Variants in BEND4 observed in about 807,000 individuals in gnomAD.
BEND4 encodes BEN domain containing 4, also known as BEN domain-containing protein 4.
A neutral mutation model predicts 54.7 loss-of-function variants in BEND4; 27 were observed. The observed-to-expected ratio is 0.49, with a 90% CI of 0.36 to 0.68. BEND4 has a LOEUF of 0.68. Ranked by LOEUF, BEND4 falls within the 30% of genes least tolerant of loss-of-function variation. The pLI is 0.00. For synonymous variants in BEND4, 327 were observed against 299.5 expected, an observed-to-expected ratio of 1.09 and a Z score of -0.95; for missense variants, 702 against 697.2, an observed-to-expected ratio of 1.01 and a Z score of -0.08.
In BEND4 at chr4:42,152,228, C is replaced by G. The variant is rs1337657576; in HGVS notation, c.-85G>C. On this transcript the variant is annotated 5_prime_UTR_variant, in exon 2 of 6. Transcript: ENST00000502486. ...GAGGGTGCCTCCGCCGCCTGCCCGCCGGGTCTGCCCTGGTGCGCGCGTGTG... is the reference window on the plus strand; with the variant it reads ...GAGGGTGCCTCCGCCGCCTGCCCGCGGGGTCTGCCCTGGTGCGCGCGTGTG... The G allele has an allele frequency of 5.5e-5, 66 of 1,198,738 alleles. No individual in the cohort carries two copies. The highest frequency in any genetic ancestry group is 3.7e-5 in the Non-Finnish European group (35 of 957,376). 74.3% of individuals were successfully genotyped at this position (1,198,738 alleles called of 1,614,324 possible). A position where few individuals can be genotyped will look rare whatever the true frequency, so the allele number is the denominator to read the frequency against.
At chr4:42,122,500 C>CA (rs1287750452) in intron 4 of BEND4, among the ~76,000 whole-genome samples, 1 of 152,194 alleles carries the variant, frequency 6.6e-6, no homozygotes, top group Non-Finnish European at 1.5e-5. Flanking sequence ...TGGCACACAG[C>CA]AGACACCCAG....
chr4:42,136,331 T>C (rs532030557), intron 3 of BEND4, among the ~76,000 whole-genome samples: 2 of 152,182 alleles, frequency 1.3e-5, no homozygotes, highest in Non-Finnish European at 2.9e-5. Context: ...TTTAAAACCT[T>C]CTTAATTAGA....
At chr4:42,118,859 T>C (rs1014914702) in intron 5 of BEND4, among the ~76,000 whole-genome samples, 3 of 152,228 alleles carry the variant, frequency 2.0e-5, no homozygotes, top group Non-Finnish European at 2.9e-5. Flanking sequence ...TGGAAATTTC[T>C]GCCACTTAGT....
At chr4:42,137,220 T>A (rs558672176) in intron 3 of BEND4, among the ~76,000 whole-genome samples, 3 of 152,196 alleles carry the variant, frequency 2.0e-5, no homozygotes, top group African/African-American at 7.2e-5. Context: ...TAAAATGAGA[T>A]AATAAAAAAA....
At chr4:42,144,035 C>G (rs774565532) in intron 2 of BEND4, 41 bp from the exon 3 acceptor site, 5 of 1,432,910 alleles carry the variant, frequency 3.5e-6, no homozygotes, top group Non-Finnish European at 4.8e-6. Flanking sequence ...CAACAGCCAA[C>G]GGCAAAAGAT....
chr4:42,152,043 C>T lies in BEND4; in HGVS notation c.101G>A (p.Arg34Lys). 2 of 1,251,856 alleles carry T rather than the reference C, an allele frequency of 1.6e-6. No homozygotes were observed. Among genetic ancestry groups the T allele is most frequent in the Non-Finnish European group, 2.0e-6 (2 of 991,132 alleles). The allele number at this position is 1,251,856 out of a possible 1,614,324, so 77.5% of individuals were successfully genotyped here. A position where few individuals can be genotyped will look rare whatever the true frequency, so the allele number is the denominator to read the frequency against. ...YSVLKTFPSK[R>K]PALAKRYERP... Reference sequence around the variant, plus strand: ...CTCGTAGCGCTTGGCCAGCGCCGGTCTCTTGCTGGGGAACGTCTTGAGGAC... The same window carrying T: ...CTCGTAGCGCTTGGCCAGCGCCGGTTTCTTGCTGGGGAACGTCTTGAGGAC... Residue 34 changes from arginine to lysine, a missense_variant, in exon 2 of 6, where the codon AGA becomes AAA. Transcript: ENST00000502486.
intron 3 of BEND4, among the ~76,000 whole-genome samples, chr4:42,130,545 T>C (rs1402616754): frequency 6.6e-6 from 1 of 151,020 alleles, no homozygotes; most frequent in Non-Finnish European, 1.5e-5. Context: ...ATGACAATTA[T>C]TAAAAAGTCA....
Position 42,120,165 on chromosome 4 carries a change from C to G in BEND4, c.1276G>C (p.Asp426His). Residue 426 changes from aspartate (D) to histidine (H), a missense_variant, in exon 5 of 6, where the codon GAT (aspartate) becomes CAT (histidine). Coordinates refer to ENST00000502486, the MANE Select transcript of BEND4 (RefSeq NM_207406.4). ...RYLIRFVFTT[D>H]ELKYSCGLGK... ...AGGCCGCATGAGTACTTAAGCTCAT[C>G]GGTTGTGAAAACAAATCTGATGAGG... is the stretch of plus-strand genomic sequence containing the variant. 6.2e-7 allele frequency: 1 copy of G among 1,613,986 alleles called. No individual in the cohort carries two copies. Among genetic ancestry groups the G allele is most frequent in the South Asian group, 1.1e-5 (1 of 91,078 alleles).
intron 2 of BEND4, among the ~76,000 whole-genome samples, chr4:42,149,672 G>A (rs1401947954): frequency 1.3e-5 from 2 of 151,768 alleles, no homozygotes; most frequent in Non-Finnish European, 2.9e-5. Context: ...AAACTAAACA[G>A]GACATCAGAA....
chr4:42,122,275 C>G (rs946931207), intron 4 of BEND4, among the ~76,000 whole-genome samples: 6 of 152,140 alleles, frequency 3.9e-5, no homozygotes, highest in African/African-American at 1.4e-4. Flanking sequence ...CTAAACTTTG[C>G]TCCTTTGTGT....
In BEND4 at chr4:42,112,372, G is replaced by A. The variant is rs1358883993; in HGVS notation, c.*5146C>T. ...ATTAACTATAGTTACTACTGTTGTT[G>A]CAGTTAAGTGGTTCTGAACGGGCCC... On this transcript the variant is annotated 3_prime_UTR_variant, in exon 6 of 6. Transcript: ENST00000502486. 1 of 152,332 alleles carries A rather than the reference G, an allele frequency of 6.6e-6. No homozygotes were observed. The highest frequency in any genetic ancestry group is 2.4e-5 in the African/African-American group (1 of 41,570). The allele number at this position is 152,332 out of a possible 1,614,324, so 9.4% of individuals were successfully genotyped here.
intron 3 of BEND4, among the ~76,000 whole-genome samples, chr4:42,134,737 G>A (rs1298982894): frequency 6.6e-6 from 1 of 152,226 alleles, no homozygotes; most frequent in African/African-American, 2.4e-5. Flanking sequence ...TTGTTACAGT[G>A]TCACCTGAGC....
At position 42,143,936 on chromosome 4, in the gene BEND4, T is replaced by G. The variant is rs1720987887; in HGVS notation, c.546A>C (p.Leu182Phe). 2 of 1,537,950 alleles carry G rather than the reference T, an allele frequency of 1.3e-6. No individual in the cohort carries two copies. Among genetic ancestry groups the G allele is most frequent in the Middle Eastern group, 1.8e-4 (1 of 5,662 alleles). ...AGTCCAGGAGTTTTCCTCCACAATTTAAGAGGCTAAGAACTCGACTGCACT... is the reference window on the plus strand; with the variant it reads ...AGTCCAGGAGTTTTCCTCCACAATTGAAGAGGCTAAGAACTCGACTGCACT... ...AQQCSRVLSL[L>F]NCGGKLLDSN... Residue 182 changes from leucine to phenylalanine, a missense_variant, in exon 3 of 6, where the codon TTA becomes TTC. Leu to Phe is a conservative substitution (Grantham distance 22). Coordinates refer to ENST00000502486, the MANE Select transcript of BEND4 (RefSeq NM_207406.4).
At chr4:42,141,423 T>C (rs777171893) in intron 3 of BEND4, among the ~76,000 whole-genome samples, 11 of 152,218 alleles carry the variant, frequency 7.2e-5, no homozygotes, top group Admixed American at 5.9e-4. Context: ...AAAGATACTG[T>C]ACTAGGCAAA....
intron 5 of BEND4, among the ~76,000 whole-genome samples, chr4:42,118,695 C>T (rs533128987): frequency 6.6e-6 from 1 of 152,294 alleles, no homozygotes; most frequent in South Asian, 2.1e-4. Context: ...TATTTGGCTC[C>T]TTTATAAGCC....
At chr4:42,151,636 A>G in intron 2 of BEND4, 21 bp downstream of exon 2, 1 of 1,394,820 alleles carries the variant, frequency 7.2e-7, no homozygotes, top group Non-Finnish European at 9.3e-7. Flanking sequence ...CGGGAAGGAA[A>G]GTTGTGCGGA....
intron 3 of BEND4, among the ~76,000 whole-genome samples, chr4:42,131,064 T>C (rs115554109): frequency 0.026 from 3,872 of 151,800 alleles, 77 homozygotes; most frequent in Non-Finnish European, 0.038. Context: ...TGGGGCCTAT[T>C]GGGGAGGGGG....
At chr4:42,144,289 G>T (rs555272008) in intron 2 of BEND4, among the ~76,000 whole-genome samples, 2 of 152,140 alleles carry the variant, frequency 1.3e-5, no homozygotes, top group African/African-American at 2.4e-5. Context: ...TGGCTGCACA[G>T]GTCTGAACTC....
intron 2 of BEND4, among the ~76,000 whole-genome samples, chr4:42,147,481 CTTTTT>C (rs71664398): frequency 3.8e-5 from 5 of 131,930 alleles, no homozygotes; most frequent in African/African-American, 1.4e-4. Context: ...ATTTTTTTAA[CTTTTT>C]TTTTTTTTTT....
Sources: gnomAD v4.1 joint callset for allele counts (sites outside exome capture counted in the v4.1 genomes callset) on GRCh38, gnomAD v4.1.1 for gene constraint, MANE v1.5 for transcripts, NCBI Gene and HGNC (gene_info 2026-07-23, HGNC 2026-07-21) for gene names.